The following DNHD1 variants were observed in gnomAD, a reference collection of about 807,000 sequenced individuals.
DNHD1 encodes the protein dynein heavy chain domain 1.
Under a neutral mutation model 458.1 loss-of-function variants are expected in DNHD1, and 383 were observed. The ratio of observed to expected loss-of-function variants is 0.84; its 90% CI spans 0.77 to 0.91. DNHD1 has a LOEUF of 0.91. Among genes scored for constraint, DNHD1 ranks in the 40% least tolerant of loss-of-function variants. The probability of loss-of-function intolerance (pLI) is 0.00; values close to 1 mark genes in which losing one functional copy is unlikely to be tolerated. For synonymous variants in DNHD1, 2,203 were observed against 2,376.9 expected (o/e 0.93, Z 2.13); for missense variants, 5,336 against 5,866.1 (o/e 0.91, Z 2.95).
rs752268033 is a variant in DNHD1 at position 6,550,600 on chromosome 11, G to GAC, written c.7387+1668_7387+1669insCA. ...AAGCAATAGAATAGAAACTGACCCT[G>GAC]AGATCTATATAGCTGTACGCTGTCC... On this transcript the variant is annotated intron_variant, in intron 24 of 42. Coordinates refer to ENST00000254579, the MANE Select transcript of DNHD1 (RefSeq NM_144666.3). Among the ~76,000 whole-genome samples the GAC allele has an allele frequency of 2.8e-3, 429 of 152,300 alleles. 3 individuals are homozygous for GAC. Among genetic ancestry groups the GAC allele is most frequent in the Non-Finnish European group, 5.4e-3 (368 of 68,010 alleles).
chr11:6,565,917 C>T lies in DNHD1; in HGVS notation c.10979C>T (p.Ser3660Phe), dbSNP rs1853683516. ...CCAGCCTATGAGACTCAGCTTCCATCCCTTCCCTACCTTAGTGTTCTTTCA... is the reference window on the plus strand; with the variant it reads ...CCAGCCTATGAGACTCAGCTTCCATTCCTTCCCTACCTTAGTGTTCTTTCA... Reference protein sequence around the residue: ...SKPAYETQLPSLPYLSVLSGA... With the variant: ...SKPAYETQLPFLPYLSVLSGA... Residue 3660 changes from serine (S) to phenylalanine (F), a missense_variant, in exon 33 of 43, where the codon TCC becomes TTC. Ser to Phe is a radical substitution (Grantham distance 155). Coordinates refer to ENST00000254579, the MANE Select transcript of DNHD1 (RefSeq NM_144666.3). The T allele has an allele frequency of 6.4e-7, 1 of 1,551,516 alleles. No individual in the cohort carries two copies. Among genetic ancestry groups the T allele is most frequent in the Non-Finnish European group, 8.7e-7 (1 of 1,146,970 alleles).
At position 6,548,494 on chromosome 11, in the gene DNHD1, C is replaced by G; in HGVS notation, c.7098+92C>G. On this transcript the variant is annotated intron_variant, in intron 23 of 42. Transcript: ENST00000254579. This position sits in a 1 kb window ranked among gnomAD's most constrained non-coding sequence, Gnocchi z 4.4. ...TCAAAGATCAGCTGAGGCCCACTTG[C>G]TCCCTTTCTTTGATATATTTTCACA... 1 of 1,463,194 alleles carries G rather than the reference C, an allele frequency of 6.8e-7. No homozygotes were observed. Among genetic ancestry groups the G allele is most frequent in the Non-Finnish European group, 9.2e-7 (1 of 1,082,614 alleles). The allele number at this position is 1,463,194 out of a possible 1,614,324, so 90.6% of individuals were successfully genotyped here.
At position 6,567,599 on chromosome 11, in the gene DNHD1, A is replaced by G. The variant is rs933311224; in HGVS notation, c.12090A>G (p.Pro4030=). 6.2e-7 allele frequency: 1 copy of G among 1,613,570 alleles called. No individual in the cohort carries two copies. The highest frequency in any genetic ancestry group is 8.5e-7 in the Non-Finnish European group (1 of 1,179,716). Residue 4030 remains proline (P), a synonymous_variant, in exon 36 of 43, where the codon CCA becomes CCG. Coordinates refer to ENST00000254579, the MANE Select transcript of DNHD1 (RefSeq NM_144666.3). ...SSTVLGPAPG[P]GPEPLSLLQK... Reference sequence around the variant, plus strand: ...CAGTGCTGGGTCCTGCACCTGGGCCAGGGCCTGAGCCACTCAGCCTCCTCC... The same window carrying G: ...CAGTGCTGGGTCCTGCACCTGGGCCGGGGCCTGAGCCACTCAGCCTCCTCC...
intron 12 of DNHD1, among the ~76,000 whole-genome samples, 186 bp downstream of exon 12, chr11:6,529,307 G>A (rs1409027022): frequency 6.6e-6 from 1 of 152,066 alleles, no homozygotes; most frequent in East Asian, 1.9e-4. Context: ...CACTGCAAAG[G>A]CCGGCCTCTC....
intron 4 of DNHD1, among the ~76,000 whole-genome samples, chr11:6,506,813 G>C (rs952765620): frequency 2.6e-5 from 4 of 152,122 alleles, no homozygotes; most frequent in Non-Finnish European, 5.9e-5. Flanking sequence ...AGTAGAATGA[G>C]AGCTCCATCA....
At chr11:6,538,867 T>A (rs1480878462) in intron 16 of DNHD1, 57 bp downstream of exon 16, 1 of 1,409,496 alleles carries the variant, frequency 7.1e-7, no homozygotes, top group East Asian at 2.6e-5. Flanking sequence ...GTTAGAGCGA[T>A]GCAGCAACTC....
intron 25 of DNHD1, 75 bp downstream of exon 25, chr11:6,558,372 G>T: frequency 6.5e-7 from 1 of 1,532,706 alleles, no homozygotes; most frequent in South Asian, 1.2e-5. Context: ...AAGGAATTCT[G>T]TGGGCTGCCA....
rs1299432171 is a variant in DNHD1 at position 6,546,853 on chromosome 11, T to C, written c.5914T>C (p.Leu1972=). 6.4e-7 allele frequency: 1 copy of C among 1,551,736 alleles called. No homozygotes were observed. The highest frequency in any genetic ancestry group is 8.7e-7 in the Non-Finnish European group (1 of 1,146,992). ...AGGTCTGGATCCCAGCCCTGACATT[T>C]TGGGGTCCTTGGAACAGTTGAGCCA... ...QVGLDPSPDI[L]GSLEQLSQAL... is the part of the protein sequence containing the mutation. The change falls in exon 21 of 43, where the codon TTG becomes CTG. Residue 1972 remains leucine (L), a synonymous_variant. Transcript: ENST00000254579.
intron 4 of DNHD1, among the ~76,000 whole-genome samples, chr11:6,507,572 G>T (rs1159071340): frequency 6.6e-6 from 1 of 152,134 alleles, no homozygotes; most frequent in Non-Finnish European, 1.5e-5. Context: ...CATTGGGAAT[G>T]AGAAGAGTAC....
chr11:6,499,536 T>C (rs1291429208), intron 3 of DNHD1, among the ~76,000 whole-genome samples: 3 of 152,016 alleles, frequency 2.0e-5, no homozygotes, highest in Admixed American at 6.6e-5. Context: ...CTCTGGCCCC[T>C]TGAGTGATAT....
intron 17 of DNHD1, among the ~76,000 whole-genome samples, chr11:6,539,585 A>G (rs575546170): frequency 2.0e-5 from 3 of 152,298 alleles, no homozygotes; most frequent in Admixed American, 2.0e-4. Flanking sequence ...GTGCCCCCCA[A>G]CACCTGTCTT....
chr11:6,523,149 A>G (rs932564173), intron 10 of DNHD1, among the ~76,000 whole-genome samples: 3 of 152,224 alleles, frequency 2.0e-5, no homozygotes, highest in Non-Finnish European at 4.4e-5. Context: ...GGTAAGATAA[A>G]TCTGTTACAC....
intron 7 of DNHD1, among the ~76,000 whole-genome samples, chr11:6,517,930 A>G (rs537411557): frequency 6.6e-6 from 1 of 152,300 alleles, no homozygotes; most frequent in African/African-American, 2.4e-5. Context: ...CATGGAATAT[A>G]TTAATACTAT....
At chr11:6,536,754 C>T (rs1442078089) in intron 14 of DNHD1, among the ~76,000 whole-genome samples, 4 of 152,182 alleles carry the variant, frequency 2.6e-5, no homozygotes, top group Non-Finnish European at 5.9e-5. Flanking sequence ...CTCTTAATCC[C>T]CAGTTTGTCT....
chr11:6,533,830 A>T lies in DNHD1; in HGVS notation c.2655A>T (p.Ser885=), dbSNP rs1271090545. ...DISVRRQFGE[S]PIPPCPPPPQ... ...CGGTGAGAAGGCAATTCGGGGAGTC[A>T]CCCATCCCTCCCTGCCCTCCTCCCC... Residue 885 remains serine, a synonymous_variant, in exon 14 of 43, where the codon TCA becomes TCT. Coordinates refer to ENST00000254579, the MANE Select transcript of DNHD1 (RefSeq NM_144666.3). The T allele has an allele frequency of 1.9e-6, 3 of 1,551,080 alleles. No homozygotes were observed. In the East Asian group the frequency reaches 7.3e-5, roughly 38 times the overall value.
chr11:6,571,574 C>A lies in DNHD1; in HGVS notation c.13912-62C>A. The A allele has an allele frequency of 6.8e-7, 1 of 1,475,224 alleles. No individual in the cohort carries two copies. Among genetic ancestry groups the A allele is most frequent in the South Asian group, 1.4e-5 (1 of 72,488 alleles). 91.4% of individuals were successfully genotyped at this position (1,475,224 alleles called of 1,614,324 possible). On this transcript the variant is annotated intron_variant, in intron 42 of 42. Transcript: ENST00000254579. The surrounding 1 kb of genome is among the most constrained non-coding windows in gnomAD (Gnocchi z 5.0). ...CCACGACCTCCTACCCGCTAACCCC[C>A]ACTTCCCACCTGCCACCTCCCAGCT... is the stretch of plus-strand genomic sequence containing the variant.
intron 28 of DNHD1, among the ~76,000 whole-genome samples, chr11:6,561,036 A>G (rs1329807819): frequency 1.3e-5 from 2 of 152,146 alleles, no homozygotes; most frequent in Non-Finnish European, 2.9e-5. Context: ...AAGGTTAGGG[A>G]GACTTCCCTA....
intron 7 of DNHD1, among the ~76,000 whole-genome samples, chr11:6,518,795 T>C (rs950828325): frequency 1.3e-5 from 2 of 152,196 alleles, no homozygotes; most frequent in African/African-American, 4.8e-5. Flanking sequence ...TGTTTGTATA[T>C]GATGTCCCGT....
chr11:6,545,852 G>A lies in DNHD1; in HGVS notation c.4913G>A (p.Cys1638Tyr), dbSNP rs1343308649. The A allele has an allele frequency of 1.3e-6, 2 of 1,551,864 alleles. No homozygotes were observed. Among genetic ancestry groups the A allele is most frequent in the Admixed American group, 3.9e-5 (2 of 51,010 alleles). Residue 1638 changes from cysteine (C) to tyrosine (Y), a missense_variant, in exon 21 of 43, where the codon TGC (cysteine) becomes TAC (tyrosine). Transcript: ENST00000254579. This position sits in a 1 kb window ranked among gnomAD's most constrained non-coding sequence, Gnocchi z 4.9. ...GAACCCTCTCTGTCACCAGCGGCAT[G>A]CTGGATAGATGTGCTAGGCAGGTCC... ...SSEPSLSPAA[C>Y]WIDVLGRSFL...
Sources: gnomAD v4.1 joint callset for allele counts (sites outside exome capture counted in the v4.1 genomes callset) on GRCh38, gnomAD v4.1.1 for gene constraint, Gnocchi (gnomAD v3.1) non-coding constraint, MANE v1.5 for transcripts, NCBI Gene and HGNC (gene_info 2026-07-23, HGNC 2026-07-21) for gene names.